The following TMEM232 variants were observed in gnomAD, a reference collection of about 807,000 sequenced individuals.
The protein encoded by TMEM232 is transmembrane protein 232.
TMEM232 carries 80 observed loss-of-function variants against 78.8 expected under a neutral mutation model. The observed-to-expected ratio is 1.01, with a 90% CI of 0.85 to 1.22. TMEM232 has a LOEUF of 1.22. Among genes scored for constraint, TMEM232 ranks in the 50% most tolerant of loss-of-function variants. The probability of loss-of-function intolerance (pLI) is 0.00; values close to 1 mark genes in which losing one functional copy is unlikely to be tolerated. For synonymous variants in TMEM232, 297 were observed against 254.3 expected, an observed-to-expected ratio of 1.17 and a Z score of -1.60; for missense variants, 881 against 742.2, an observed-to-expected ratio of 1.19 and a Z score of -2.17.
chr5:110,597,115 C>T (rs1452838827), intron 10 of TMEM232, among the ~76,000 whole-genome samples: 1 of 152,002 alleles, frequency 6.6e-6, no homozygotes, highest in Non-Finnish European at 1.5e-5. Context: ...TCTAGAAAAC[C>T]CCATTGTCTC....
At chr5:110,510,626 TG>T (rs756005937) in intron 12 of TMEM232, among the ~76,000 whole-genome samples, 25 of 151,554 alleles carry the variant, frequency 1.6e-4, no homozygotes, top group Admixed American at 7.9e-4. Context: ...TATCAAAAGG[TG>T]GGAAAAGGAT....
chr5:110,640,834 C>T (rs1379948650), intron 4 of TMEM232, 57 bp downstream of exon 4: 2 of 1,244,672 alleles, frequency 1.6e-6, no homozygotes, highest in African/African-American at 1.5e-5. Context: ...CAAATTATGC[C>T]TTCACTGATG....
At chr5:110,562,350 A>C (rs749005063) in intron 11 of TMEM232, among the ~76,000 whole-genome samples, 1 of 152,068 alleles carries the variant, frequency 6.6e-6, no homozygotes, top group African/African-American at 2.4e-5. Flanking sequence ...TTCTTTTCAC[A>C]GTGTTCTTAT....
intron 1 of TMEM232, among the ~76,000 whole-genome samples, chr5:110,670,306 G>A (rs1388523949): frequency 2.0e-5 from 3 of 152,082 alleles, no homozygotes; most frequent in Non-Finnish European, 4.4e-5. Context: ...AAATCAATGT[G>A]CAAAAATCAC....
intron 3 of TMEM232, among the ~76,000 whole-genome samples, 195 bp from the exon 4 acceptor site, chr5:110,641,191 A>G (rs529660847): frequency 5.9e-5 from 9 of 152,168 alleles, no homozygotes; most frequent in Non-Finnish European, 1.2e-4. Context: ...TATTAGTGTT[A>G]AGATGTAAAA....
intron 1 of TMEM232, among the ~76,000 whole-genome samples, chr5:110,703,346 A>C (rs1286255095): frequency 6.6e-6 from 1 of 152,026 alleles, no homozygotes; most frequent in Admixed American, 6.6e-5. Context: ...GCTATGCTAC[A>C]ACATGTTTAT....
At chr5:110,550,817 C>T (rs926059031) in intron 11 of TMEM232, among the ~76,000 whole-genome samples, 2 of 150,400 alleles carry the variant, frequency 1.3e-5, no homozygotes, top group African/African-American at 4.9e-5. Flanking sequence ...AGTGGACTTG[C>T]TTTTTAAAAA....
intron 10 of TMEM232, among the ~76,000 whole-genome samples, chr5:110,594,863 T>G (rs1779961970): frequency 6.6e-6 from 1 of 152,200 alleles, no homozygotes; most frequent in Non-Finnish European, 1.5e-5. Flanking sequence ...AGACTTAAAC[T>G]TTCCTGCTGC....
intron 10 of TMEM232, among the ~76,000 whole-genome samples, chr5:110,590,730 G>A (rs1779410497): frequency 1.3e-5 from 2 of 152,088 alleles, no homozygotes; most frequent in Admixed American, 1.3e-4. Flanking sequence ...CCCTGAGACT[G>A]AGTAATTTAT....
intron 2 of TMEM232, among the ~76,000 whole-genome samples, chr5:110,413,558 T>C (rs1237942879): frequency 6.6e-6 from 1 of 152,194 alleles, no homozygotes; most frequent in Non-Finnish European, 1.5e-5. Flanking sequence ...GCTTCCCTTG[T>C]TGCATAATCT....
intron 8 of TMEM232, among the ~76,000 whole-genome samples, chr5:110,611,452 G>A (rs1782263929): frequency 6.6e-6 from 1 of 152,180 alleles, no homozygotes; most frequent in Non-Finnish European, 1.5e-5. Flanking sequence ...TGAAGGGATG[G>A]AGCCTCAGAC....
At chr5:110,721,888 G>C (rs542004011) in intron 1 of TMEM232, among the ~76,000 whole-genome samples, 2 of 151,676 alleles carry the variant, frequency 1.3e-5, no homozygotes, top group Non-Finnish European at 2.9e-5. Context: ...AGCTATGGGA[G>C]AGAAGCAGAA....
rs1561349883 is a variant in TMEM232, at chr5:110,595,258, A to G, written c.1276+9851T>C. On this transcript the variant is annotated intron_variant, in intron 10 of 13. Transcript: ENST00000455884. ...ACTAAAAGGACACCCACTCAAAAAC[A>G]CTATCCAAAAGGCATCAGCATCAAA... Among the ~76,000 whole-genome samples, 5 of 152,164 alleles carry G rather than the reference A, an allele frequency of 3.3e-5. No individual in the cohort carries two copies. The South Asian group carries it at 1.0e-3, about 32-fold the overall frequency.
chr5:110,528,602 T>C lies in TMEM232; in HGVS notation c.1689A>G (p.Leu563=). 5.2e-6 allele frequency: 8 copies of C among 1,530,584 alleles called. No homozygotes were observed. The highest frequency in any genetic ancestry group is 7.0e-6 in the Non-Finnish European group (8 of 1,144,274). 94.8% of individuals were successfully genotyped at this position (1,530,584 alleles called of 1,614,324 possible). ...KKLESVKKQV[L]HFTVREHPSV... ...CTTCTCTTTACCTTACAGTGAAATG[T>C]AGAACTTGCTTTTTCACAGACTCCA... The change falls in exon 12 of 14, where the codon CTA becomes CTG. Residue 563 remains leucine (L), a synonymous_variant. Transcript: ENST00000455884.
At chr5:110,593,679 A>G (rs948339191) in intron 10 of TMEM232, among the ~76,000 whole-genome samples, 2 of 152,172 alleles carry the variant, frequency 1.3e-5, no homozygotes, top group African/African-American at 4.8e-5. Context: ...TGAAAGGGCA[A>G]TAGGGTGATG....
chr5:110,637,387 A>G (rs77314883), intron 5 of TMEM232, among the ~76,000 whole-genome samples: 1,794 of 151,842 alleles, frequency 0.012, 31 homozygotes, highest in African/African-American at 0.041. Context: ...TGTGTCAGAG[A>G]GCATCTAAGC....
chr5:110,597,711 A>G (rs1463101958), intron 10 of TMEM232, among the ~76,000 whole-genome samples: 1 of 151,750 alleles, frequency 6.6e-6, no homozygotes, highest in African/African-American at 2.4e-5. Flanking sequence ...ATAACACCGC[A>G]TATCTACAAC....
chr5:110,717,750 G>T (rs555481694), intron 1 of TMEM232, among the ~76,000 whole-genome samples: 20 of 152,146 alleles, frequency 1.3e-4, no homozygotes, highest in Admixed American at 7.2e-4. Flanking sequence ...GAGATGTGAT[G>T]GTTTTATAAG....
chr5:110,678,692 C>G (rs539479310), intron 1 of TMEM232, among the ~76,000 whole-genome samples: 2 of 151,814 alleles, frequency 1.3e-5, no homozygotes, highest in East Asian at 3.9e-4. Context: ...CCCAGCACCC[C>G]GACCCCCCAC....
Sources: gnomAD v4.1 joint callset for allele counts (sites outside exome capture counted in the v4.1 genomes callset) on GRCh38, gnomAD v4.1.1 for gene constraint, MANE v1.5 for transcripts, NCBI Gene and HGNC (gene_info 2026-07-23, HGNC 2026-07-21) for gene names.